The following PPP2R5C variants were observed in gnomAD, a reference collection of about 807,000 sequenced individuals.
PPP2R5C encodes the protein serine/threonine-protein phosphatase 2A 56 kDa regulatory subunit gamma isoform.
PPP2R5C carries 7 observed loss-of-function variants against 68.9 expected under a neutral mutation model. That is an observed-to-expected ratio of 0.10 (90% CI 0.06 to 0.19). The LOEUF is 0.19. Ranked by LOEUF, PPP2R5C falls within the 10% of genes least tolerant of loss-of-function variation. The pLI is 1.00. For synonymous variants in PPP2R5C, 210 were observed against 222.2 expected, an observed-to-expected ratio of 0.95 and a Z score of 0.49; for missense variants, 348 against 641.3, an observed-to-expected ratio of 0.54 and a Z score of 4.94.
upstream of PPP2R5C, among the ~76,000 whole-genome samples, chr14:101,806,476 A>G (rs1356964696): frequency 1.3e-5 from 2 of 152,206 alleles, no homozygotes; most frequent in South Asian, 2.1e-4. Context: ...TCCATGGTAC[A>G]TATGTGCCAC....
chr14:101,910,084 A>G (rs1268122246), intron 11 of PPP2R5C, among the ~76,000 whole-genome samples: 5 of 152,158 alleles, frequency 3.3e-5, no homozygotes, highest in African/African-American at 4.8e-5. Context: ...CTTCATTTCA[A>G]TGTAGCTTTA....
chr14:101,857,138 C>T (rs116911154), intron 2 of PPP2R5C, among the ~76,000 whole-genome samples: 2,935 of 152,294 alleles, frequency 0.019, 43 homozygotes, highest in Middle Eastern at 0.065. Context: ...CTCACAACTA[C>T]CCTATGGAGT....
chr14:101,761,729 C>A (rs1566814441), upstream of PPP2R5C: 1 of 972,016 alleles, frequency 1.0e-6, no homozygotes, highest in South Asian at 4.6e-5. Flanking sequence ...CTGCCGCAGC[C>A]TCTGGGAGTC....
chr14:101,853,161 A>C (rs1247041879), intron 1 of PPP2R5C, among the ~76,000 whole-genome samples: 1 of 151,116 alleles, frequency 6.6e-6, no homozygotes, highest in Non-Finnish European at 1.5e-5. Flanking sequence ...ACTTGTATTC[A>C]AAAAAAAATG....
In PPP2R5C at chr14:101,764,095, G is replaced by T. The variant is rs543237701; in HGVS notation, c.93+1125G>T. Reference sequence around the variant, plus strand: ...GCTTCTTGGCTTTGGCCTCATTGAGGAACAGCTGGAATGCCAAGTGAGCAT... The same window carrying T: ...GCTTCTTGGCTTTGGCCTCATTGAGTAACAGCTGGAATGCCAAGTGAGCAT... On this transcript the variant is annotated intron_variant, in intron 2 of 14. Transcript: ENST00000328724. Among the ~76,000 whole-genome samples, 4 of 152,040 alleles carry T rather than the reference G, an allele frequency of 2.6e-5. 1 individual carries two copies. The highest frequency in any genetic ancestry group is 2.0e-4 in the Admixed American group (3 of 15,302).
chr14:101,765,128 C>T, intron 2 of PPP2R5C: 1 of 702,624 alleles, frequency 1.4e-6, no homozygotes. Context: ...TATGATGCCC[C>T]ACTTGTCTTT....
chr14:101,780,919 C>G (rs898770068), intron 2 of PPP2R5C, among the ~76,000 whole-genome samples: 1 of 152,186 alleles, frequency 6.6e-6, no homozygotes, highest in African/African-American at 2.4e-5. Flanking sequence ...GGGACTGAGG[C>G]TGGGGCTTGG....
At chr14:101,910,764 G>A (rs534225865) in intron 11 of PPP2R5C, among the ~76,000 whole-genome samples, 1 of 151,476 alleles carries the variant, frequency 6.6e-6, no homozygotes, top group Non-Finnish European at 1.5e-5. Flanking sequence ...TCAGGAGATC[G>A]AGACCATCCT....
At chr14:101,821,142 C>G (rs1349596969) in intron 1 of PPP2R5C, 4 of 151,846 alleles carry the variant, frequency 2.6e-5, no homozygotes, top group Non-Finnish European at 5.9e-5. Flanking sequence ...GTGGAATCAT[C>G]TAAACTGGTC....
rs376072671 is a variant in PPP2R5C, at chr14:101,793,741, A to G, written c.259+7558A>G. 3.3e-5 allele frequency among the ~76,000 whole-genome samples: 5 copies of G among 152,366 alleles called. No individual in the cohort carries two copies. In the South Asian group the frequency reaches 8.3e-4, roughly 25 times the overall value. On this transcript the variant is annotated intron_variant, in intron 3 of 14. Coordinates refer to the PPP2R5C transcript ENST00000328724. ...ACTCATGGCACCCAAGTTGTTGTCC[A>G]GCATCCAGGAGGAATGAGGTTGCAT...
chr14:101,903,570 C>T (rs755512901), intron 9 of PPP2R5C, among the ~76,000 whole-genome samples: 30 of 152,268 alleles, frequency 2.0e-4, no homozygotes, highest in Non-Finnish European at 4.0e-4. Flanking sequence ...CCCCCACGCA[C>T]GCTTGCGCCC....
intron 8 of PPP2R5C, among the ~76,000 whole-genome samples, chr14:101,898,395 C>G (rs1253076849): frequency 1.3e-5 from 2 of 152,176 alleles, no homozygotes; most frequent in Non-Finnish European, 2.9e-5. Flanking sequence ...TGACCCTAAC[C>G]TTCTCCACCG....
intron 5 of PPP2R5C, 28 bp downstream of exon 7, chr14:101,883,590 T>A: frequency 6.2e-7 from 1 of 1,608,062 alleles, no homozygotes; most frequent in South Asian, 1.1e-5. Flanking sequence ...GGCGTTGTCC[T>A]TGTGTGTGGT....
Position 101,797,195 on chromosome 14 carries a change from A to G in PPP2R5C, c.259+11012A>G, listed in dbSNP as rs1410254058. 2.2e-6 allele frequency: 1 copy of G among 455,598 alleles called. No individual in the cohort carries two copies. Among genetic ancestry groups the G allele is most frequent in the Non-Finnish European group, 4.4e-6 (1 of 226,442 alleles). 28.2% of individuals were successfully genotyped at this position (455,598 alleles called of 1,614,324 possible). On this transcript the variant is annotated intron_variant, in intron 3 of 14. Coordinates refer to the PPP2R5C transcript ENST00000328724. The surrounding 1 kb of genome is among the most constrained non-coding windows in gnomAD (Gnocchi z 4.2). ...TTCTGTGCCTGGCTTATTTCCCTAA[A>G]CATAATATCTTCCAGGTCCCCCCAC...
intron 2 of PPP2R5C, among the ~76,000 whole-genome samples, chr14:101,775,538 T>C (rs1445811003): frequency 6.6e-6 from 1 of 152,176 alleles, no homozygotes; most frequent in Non-Finnish European, 1.5e-5. Flanking sequence ...TAGAAACTAA[T>C]GGGGCGTTGT....
At chr14:101,823,682 G>A in intron 1 of PPP2R5C, 1 of 863,472 alleles carries the variant, frequency 1.2e-6, no homozygotes, top group Non-Finnish European at 1.4e-6. Context: ...ACTTGTCTGA[G>A]GTCCAAGAAG....
intron 12 of PPP2R5C, among the ~76,000 whole-genome samples, chr14:101,914,891 A>T (rs896131449): frequency 6.6e-6 from 1 of 152,182 alleles, no homozygotes; most frequent in Non-Finnish European, 1.5e-5. Flanking sequence ...AATCATATGA[A>T]ATGAAGACAG....
At chr14:101,872,703 G>A (rs1285559092) in intron 2 of PPP2R5C, among the ~76,000 whole-genome samples, 1 of 152,116 alleles carries the variant, frequency 6.6e-6, no homozygotes, top group Non-Finnish European at 1.5e-5. Flanking sequence ...CCCTCTGGGA[G>A]CTTTCACAGT....
intron 5 of PPP2R5C, among the ~76,000 whole-genome samples, chr14:101,887,825 G>GA (rs1310538304): frequency 1.3e-5 from 2 of 152,164 alleles, no homozygotes; most frequent in Non-Finnish European, 2.9e-5. Context: ...AAGGCATTTA[G>GA]AATCCTTTCT....
Sources: gnomAD v4.1 joint callset for allele counts (sites outside exome capture counted in the v4.1 genomes callset) on GRCh38, gnomAD v4.1.1 for gene constraint, Gnocchi (gnomAD v3.1) non-coding constraint, MANE v1.5 for transcripts, NCBI Gene and HGNC (gene_info 2026-07-23, HGNC 2026-07-21) for gene names.